Variants in SMPD3 observed in about 807,000 individuals in gnomAD.
SMPD3 encodes the protein sphingomyelin phosphodiesterase 3.
A neutral mutation model predicts 55.7 loss-of-function variants in SMPD3; 21 were observed. That is an observed-to-expected ratio of 0.38 (90% CI 0.27 to 0.54). The LOEUF (loss-of-function observed/expected upper bound fraction) is 0.54, where lower values mean the gene tolerates loss of function less well. Ranked by LOEUF, SMPD3 falls within the 20% of genes least tolerant of loss-of-function variation. The probability of loss-of-function intolerance (pLI) is 0.80; values close to 1 mark genes in which losing one functional copy is unlikely to be tolerated. For missense variants in SMPD3, 842 were observed against 899.6 expected (o/e 0.94, Z 0.82); for synonymous variants, 457 against 404.3 (o/e 1.13, Z -1.56).
At chr16:68,392,616 C>A (rs2090121259) in intron 1 of SMPD3, among the ~76,000 whole-genome samples, 1 of 152,048 alleles carries the variant, frequency 6.6e-6, no homozygotes, top group Admixed American at 6.5e-5. Flanking sequence ...AATCCTAGCA[C>A]TTTGGGAGGC....
At position 68,404,363 on chromosome 16, in the gene SMPD3, T is replaced by G. The variant is rs965369646; in HGVS notation, c.-268-17704A>C. Among the ~76,000 whole-genome samples the G allele has an allele frequency of 4.6e-5, 7 of 151,910 alleles. No individual in the cohort carries two copies. Among genetic ancestry groups the G allele is most frequent in the Non-Finnish European group, 8.8e-5 (6 of 67,940 alleles). ...GATCTGCCCGCCTCAGCCTCCCAAATTGCTGAGATTACAGGCGTGAGCCAC... is the reference window on the plus strand; with the variant it reads ...GATCTGCCCGCCTCAGCCTCCCAAAGTGCTGAGATTACAGGCGTGAGCCAC... On this transcript the variant is annotated intron_variant, in intron 1 of 8. Coordinates refer to ENST00000219334, the MANE Select transcript of SMPD3 (RefSeq NM_018667.4). This position sits in a 1 kb window ranked among gnomAD's most constrained non-coding sequence, Gnocchi z 4.0.
rs2089433999 is a variant in SMPD3, at chr16:68,364,999, G to T, written c.1399+18C>A. 1 of 1,613,990 alleles carries T rather than the reference G, an allele frequency of 6.2e-7. No homozygotes were observed. The highest frequency in any genetic ancestry group is 1.3e-5 in the African/African-American group (1 of 74,914). On this transcript the variant is annotated intron_variant, in intron 4 of 8. Coordinates refer to ENST00000219334, the MANE Select transcript of SMPD3 (RefSeq NM_018667.4). ...TGATCCCATGCCTAGAAAAAACACA[G>T]GTGGGCGGCAACCCTACCTTGCGGG...
At chr16:68,383,667 G>A (rs558135896) in intron 2 of SMPD3, among the ~76,000 whole-genome samples, 9 of 152,124 alleles carry the variant, frequency 5.9e-5, no homozygotes, top group South Asian at 2.1e-4. Flanking sequence ...CTCCCTTCTC[G>A]GCTGATCCCT....
At chr16:68,392,402 T>C (rs1007009772) in intron 1 of SMPD3, among the ~76,000 whole-genome samples, 7 of 152,220 alleles carry the variant, frequency 4.6e-5, no homozygotes, top group African/African-American at 1.7e-4. Context: ...TAAGCTATAA[T>C]GTTTGCTAGT....
chr16:68,368,130 G>T (rs1231669032), intron 3 of SMPD3: 1 of 152,334 alleles, frequency 6.6e-6, no homozygotes, highest in Admixed American at 6.5e-5. Flanking sequence ...TGCTGTCCTG[G>T]TGCTCTGTCT....
intron 1 of SMPD3, among the ~76,000 whole-genome samples, chr16:68,409,791 C>T (rs879723895): frequency 1.7e-4 from 26 of 152,282 alleles, no homozygotes; most frequent in Middle Eastern, 3.4e-3. Context: ...GACGGGGTTT[C>T]ACTGTTTTAG....
At chr16:68,400,630 G>C (rs995250539) in intron 1 of SMPD3, among the ~76,000 whole-genome samples, 7 of 152,310 alleles carry the variant, frequency 4.6e-5, no homozygotes, top group South Asian at 2.1e-4. Flanking sequence ...TATGCTACAA[G>C]TACACACACT....
At chr16:68,380,283 C>A (rs1328426661) in intron 2 of SMPD3, among the ~76,000 whole-genome samples, 3 of 152,266 alleles carry the variant, frequency 2.0e-5, no homozygotes, top group African/African-American at 7.2e-5. Context: ...TCCCGCCAGT[C>A]CTATGCCCTC....
chr16:68,372,966 A>G (rs977630154), intron 2 of SMPD3, among the ~76,000 whole-genome samples: 7 of 152,198 alleles, frequency 4.6e-5, no homozygotes, highest in African/African-American at 7.2e-5. Flanking sequence ...GTCCCCCTCC[A>G]TGCACAACCG....
At chr16:68,366,577 C>G (rs2089485453) in intron 3 of SMPD3, among the ~76,000 whole-genome samples, 1 of 152,250 alleles carries the variant, frequency 6.6e-6, no homozygotes, top group Non-Finnish European at 1.5e-5. Context: ...CTCAAAAGGC[C>G]ACATGAGGCT....
At position 68,447,418 on chromosome 16, in the gene SMPD3, G is replaced by T. The variant is rs1381919347; in HGVS notation, c.-269+935C>A. On this transcript the variant is annotated intron_variant, in intron 1 of 8. Transcript: ENST00000219334. This position sits in a 1 kb window ranked among gnomAD's most constrained non-coding sequence, Gnocchi z 5.1. Reference sequence around the variant, plus strand: ...CGGTGCCAGAGGCTCGGTCCCCGGGGCGTGGTGGGCTAGGGCGGGTCGTCT... The same window carrying T: ...CGGTGCCAGAGGCTCGGTCCCCGGGTCGTGGTGGGCTAGGGCGGGTCGTCT... 6.6e-6 allele frequency among the ~76,000 whole-genome samples: 1 copy of T among 152,196 alleles called. No individual in the cohort carries two copies. The highest frequency in any genetic ancestry group is 1.5e-5 in the Non-Finnish European group (1 of 68,016).
rs1347622345 is a variant in SMPD3 at position 68,361,110 on chromosome 16, T to C, written c.*96A>G. 6.1e-6 allele frequency: 7 copies of C among 1,144,700 alleles called. No individual in the cohort carries two copies. Among genetic ancestry groups the C allele is most frequent in the East Asian group, 2.6e-5 (1 of 39,044 alleles). The allele number at this position is 1,144,700 out of a possible 1,614,324, so 70.9% of individuals were successfully genotyped here. A position where few individuals can be genotyped will look rare whatever the true frequency, so the allele number is the denominator to read the frequency against. On this transcript the variant is annotated 3_prime_UTR_variant, in exon 9 of 9. Transcript: ENST00000219334. Reference sequence around the variant, plus strand: ...TGTGGCTCCCTCCCTGTCCCTGCCCTCCTCCCCCAAGCACCGGGCACTCGA... The same window carrying C: ...TGTGGCTCCCTCCCTGTCCCTGCCCCCCTCCCCCAAGCACCGGGCACTCGA...
In SMPD3 at chr16:68,371,175, C is replaced by T. The variant is rs774044051; in HGVS notation, c.1007G>A (p.Arg336His). The change falls in exon 3 of 9, where the codon CGC (arginine) becomes CAC (histidine). Residue 336 changes from arginine (R) to histidine (H), a missense_variant. Arg to His is a conservative substitution (Grantham distance 29). This residue lies in a region of SMPD3 where 649 missense variants were observed against 643.6 expected (regional missense o/e 1.01). Coordinates refer to ENST00000219334, the MANE Select transcript of SMPD3 (RefSeq NM_018667.4). ...KASVVKKAAA[R>H]RRRHPDEAFD... ...GGCCTCGTCGGGGTGCCGCCTCCTG[C>T]GTGCAGCCGCCTTCTTCACCACCGA... The T allele has an allele frequency of 2.9e-5, 47 of 1,612,632 alleles. No homozygotes were observed. Among genetic ancestry groups the T allele is most frequent in the African/African-American group, 1.6e-4 (12 of 74,866 alleles).
chr16:68,437,256 A>G (rs539012888), intron 1 of SMPD3, among the ~76,000 whole-genome samples: 3 of 152,350 alleles, frequency 2.0e-5, no homozygotes, highest in African/African-American at 4.8e-5. Flanking sequence ...TGATGTAACC[A>G]AACAGCCCTA....
chr16:68,375,291 CA>C (rs2089782587), intron 2 of SMPD3, among the ~76,000 whole-genome samples: 1 of 95,944 alleles, frequency 1.0e-5, no homozygotes, highest in Non-Finnish European at 2.1e-5. Context: ...CTGCCTCCAC[CA>C]GCTTTTCCCT....
At chr16:68,444,269 C>T (rs73551980) in intron 1 of SMPD3, among the ~76,000 whole-genome samples, 1,782 of 152,286 alleles carry the variant, frequency 0.012, 50 homozygotes, top group African/African-American at 0.041. Flanking sequence ...CAGCTCTCCT[C>T]CACAGTGATC....
chr16:68,441,685 A>G (rs2090566808), intron 1 of SMPD3, among the ~76,000 whole-genome samples: 1 of 152,170 alleles, frequency 6.6e-6, no homozygotes. Flanking sequence ...GCCCCATATT[A>G]GACAACAGAT....
At chr16:68,412,873 T>C (rs1391166971) in intron 1 of SMPD3, among the ~76,000 whole-genome samples, 2 of 152,184 alleles carry the variant, frequency 1.3e-5, no homozygotes, top group African/African-American at 4.8e-5. Flanking sequence ...CTTTTAAAAG[T>C]TGGGCATTTG....
In SMPD3 at chr16:68,372,322, A is replaced by G. The variant is rs1262810940; in HGVS notation, c.-141T>C. On this transcript the variant is annotated 5_prime_UTR_variant, in exon 3 of 9. Transcript: ENST00000219334. ...GGCGAGATGCAACTCCGGCTGGTCA[A>G]TGGCGAATGTTGGCCAGCCGGTCAT... 2 of 1,135,434 alleles carry G rather than the reference A, an allele frequency of 1.8e-6. No homozygotes were observed. Among genetic ancestry groups the G allele is most frequent in the African/African-American group, 1.5e-5 (1 of 64,816 alleles). The allele number at this position is 1,135,434 out of a possible 1,614,324, so 70.3% of individuals were successfully genotyped here.
Sources: gnomAD v4.1 joint callset for allele counts (sites outside exome capture counted in the v4.1 genomes callset) on GRCh38, gnomAD v4.1.1 for gene constraint, gnomAD v4.1.1 regional missense constraint, Gnocchi (gnomAD v3.1) non-coding constraint, MANE v1.5 for transcripts, NCBI Gene and HGNC (gene_info 2026-07-23, HGNC 2026-07-21) for gene names.